Variants in YEATS4 observed in about 807,000 individuals in gnomAD.
YEATS4 encodes the protein YEATS domain-containing protein 4.
YEATS4 carries 17 observed loss-of-function variants against 30.1 expected under a neutral mutation model. The ratio of observed to expected loss-of-function variants is 0.56; its 90% confidence interval spans 0.39 to 0.85. The LOEUF (loss-of-function observed/expected upper bound fraction) is 0.85, where lower values mean the gene tolerates loss of function less well. Among genes scored for constraint, YEATS4 ranks in the 40% least tolerant of loss-of-function variants. The pLI is 0.00. For synonymous variants in YEATS4, 85 were observed against 87.5 expected (o/e 0.97, Z 0.16); for missense variants, 142 against 268.3 (o/e 0.53, Z 3.29).
At chr12:69,413,193 AC>A in the YEATS4 span, among the ~76,000 whole-genome samples, 1 of 152,054 alleles carries the variant, frequency 6.6e-6, no homozygotes, top group Admixed American at 6.6e-5. Flanking sequence ...TGGGAGGACC[AC>A]TTGAGGAAAG....
At chr12:69,407,055 T>C in the YEATS4 span, among the ~76,000 whole-genome samples, 1 of 151,976 alleles carries the variant, frequency 6.6e-6, no homozygotes, top group African/African-American at 2.4e-5. Context: ...CCTCAGGTAA[T>C]CCTCCCACCT....
chr12:69,370,651 A>G (rs2120952628), intron 4 of YEATS4, 55 bp from the exon 5 acceptor site: 26 of 1,396,154 alleles, frequency 1.9e-5, no homozygotes, highest in Non-Finnish European at 2.5e-5. Flanking sequence ...AAATGCCAGT[A>G]TCTTATGATG....
the YEATS4 span, among the ~76,000 whole-genome samples, chr12:69,412,844 G>A: frequency 6.6e-6 from 1 of 152,032 alleles, no homozygotes; most frequent in African/African-American, 2.4e-5. Context: ...AGGGAGAGCA[G>A]GAGGGCCACC....
chr12:69,386,625 G>T (rs915714941), intron 6 of YEATS4, among the ~76,000 whole-genome samples: 20 of 152,114 alleles, frequency 1.3e-4, no homozygotes, highest in Non-Finnish European at 2.4e-4. Context: ...ATATCATTCA[G>T]TGTGTTTTTT....
chr12:69,421,997 AGGAATCTT>A, the YEATS4 span, among the ~76,000 whole-genome samples: 1 of 152,210 alleles, frequency 6.6e-6, no homozygotes, highest in Non-Finnish European at 1.5e-5. Context: ...ACAACAGGAC[AGGAATCTT>A]TTGAAATGTA....
At chr12:69,368,412 A>G (rs1721008945) in intron 4 of YEATS4, among the ~76,000 whole-genome samples, 1 of 152,228 alleles carries the variant, frequency 6.6e-6, no homozygotes, top group African/African-American at 2.4e-5. Flanking sequence ...AAAATTACAG[A>G]CATCTGTCTT....
downstream of YEATS4, among the ~76,000 whole-genome samples, chr12:69,393,409 AG>A (rs1352067614): frequency 5.3e-5 from 8 of 152,140 alleles, no homozygotes; most frequent in Admixed American, 6.5e-5. Flanking sequence ...TTGAGACTAC[AG>A]TGAGCTATGT....
At chr12:69,391,558 C>T (rs1390324870), downstream of YEATS4, among the ~76,000 whole-genome samples, 2 of 152,132 alleles carry the variant, frequency 1.3e-5, no homozygotes, top group African/African-American at 2.4e-5. Context: ...TTACTTTTTA[C>T]TTTGTGGCTT....
chr12:69,374,842 AT>A (rs1162159433), intron 6 of YEATS4, among the ~76,000 whole-genome samples: 1 of 152,000 alleles, frequency 6.6e-6, no homozygotes, highest in Middle Eastern at 3.2e-3. Flanking sequence ...CCCCTTTTCT[AT>A]TCGACAAAAC....
At chr12:69,384,081 G>A (rs149582252) in intron 6 of YEATS4, among the ~76,000 whole-genome samples, 1 of 152,254 alleles carries the variant, frequency 6.6e-6, no homozygotes, top group East Asian at 1.9e-4. Flanking sequence ...ATAATTTTGT[G>A]ACTTAGGTAG....
At chr12:69,366,154 C>A (rs1162577743) in intron 4 of YEATS4, among the ~76,000 whole-genome samples, 1 of 151,510 alleles carries the variant, frequency 6.6e-6, no homozygotes, top group Non-Finnish European at 1.5e-5. Flanking sequence ...AAACTTAAAA[C>A]TATTATTATC....
At chr12:69,409,400 T>C in the YEATS4 span, among the ~76,000 whole-genome samples, 1 of 152,070 alleles carries the variant, frequency 6.6e-6, no homozygotes, top group South Asian at 2.1e-4. Context: ...GCGGATCCCT[T>C]GAGGCTAGGA....
chr12:69,391,289 A>G (rs1239042608), downstream of YEATS4, among the ~76,000 whole-genome samples: 1 of 150,814 alleles, frequency 6.6e-6, no homozygotes, highest in African/African-American at 2.4e-5. Flanking sequence ...ATGAGACTTC[A>G]TCTCAAAAAA....
chr12:69,402,621 A>C, the YEATS4 span, among the ~76,000 whole-genome samples: 1 of 152,132 alleles, frequency 6.6e-6, no homozygotes, highest in Non-Finnish European at 1.5e-5. Context: ...ATGAGTGCTG[A>C]GTTCCAATAA....
At chr12:69,424,515 G>A in the YEATS4 span, among the ~76,000 whole-genome samples, 2 of 152,100 alleles carry the variant, frequency 1.3e-5, no homozygotes, top group East Asian at 3.9e-4. Flanking sequence ...TTTAAAGTCT[G>A]ATATGGTTTG....
chr12:69,365,373 C>T (rs1229260092), intron 2 of YEATS4, among the ~76,000 whole-genome samples: 2 of 151,700 alleles, frequency 1.3e-5, no homozygotes, highest in African/African-American at 2.4e-5. Context: ...ATTGCTTGAA[C>T]CTGGGTCAGG....
chr12:69,419,014 C>CATAT, the YEATS4 span, among the ~76,000 whole-genome samples: 18,477 of 143,120 alleles, frequency 0.13, 1,410 homozygotes, highest in East Asian at 0.36. Context: ...TAATTTAAGC[C>CATAT]ATATATATAT....
downstream of YEATS4, among the ~76,000 whole-genome samples, chr12:69,395,117 C>A (rs78263006): frequency 5.3e-5 from 8 of 152,002 alleles, no homozygotes; most frequent in Non-Finnish European, 1.2e-4. Context: ...TCAACAGTTT[C>A]ACTTTTAAAA....
intron 6 of YEATS4, among the ~76,000 whole-genome samples, chr12:69,386,001 A>G (rs572901817): frequency 1.3e-3 from 195 of 152,342 alleles, no homozygotes; most frequent in Non-Finnish European, 2.5e-3. Context: ...TCTCCTAACC[A>G]GTATGCTGAA....
Sources: gnomAD v4.1 joint callset for allele counts (sites outside exome capture counted in the v4.1 genomes callset) on GRCh38, gnomAD v4.1.1 for gene constraint, MANE v1.5 for transcripts, NCBI Gene and HGNC (gene_info 2026-07-23, HGNC 2026-07-21) for gene names.